The following MAPK10 variants were observed in gnomAD, a reference collection of about 807,000 sequenced individuals.
MAPK10 encodes JNK3 alpha protein kinase.
MAPK10 carries 25 observed loss-of-function variants against 59.3 expected under a neutral mutation model. That is an observed-to-expected ratio of 0.42 (90% CI 0.31 to 0.59). The LOEUF (loss-of-function observed/expected upper bound fraction) is 0.59. Ranked by LOEUF, MAPK10 falls within the 20% of genes least tolerant of loss-of-function variation. The pLI is 0.15. For synonymous variants in MAPK10, 190 were observed against 200.5 expected, an observed-to-expected ratio of 0.95 and a Z score of 0.44; for missense variants, 351 against 568.9, an observed-to-expected ratio of 0.62 and a Z score of 3.90.
At chr4:86,419,952 G>A (rs925417327) in intron 1 of MAPK10, among the ~76,000 whole-genome samples, 4 of 152,132 alleles carry the variant, frequency 2.6e-5, no homozygotes, top group African/African-American at 9.7e-5. Flanking sequence ...CTAACATTTT[G>A]TTCTCAAAAT....
chr4:86,545,958 A>T (rs1270836523), intron 1 of MAPK10, among the ~76,000 whole-genome samples: 1 of 152,232 alleles, frequency 6.6e-6, no homozygotes, highest in East Asian at 1.9e-4. Flanking sequence ...CCTTGTTCAA[A>T]AATTACTAAG....
rs927190835 is a variant in MAPK10, at chr4:86,082,920, T to C, written c.803-14965A>G. Among the ~76,000 whole-genome samples the C allele has an allele frequency of 3.3e-5, 5 of 152,262 alleles. No individual in the cohort carries two copies. In the South Asian group the frequency reaches 1.0e-3, roughly 32 times the overall value. ...TGGCAGTGCTAAGGGGTGCAGTCCA[T>C]CTAGCCATGCTGTCAGGCAAAATAC... On this transcript the variant is annotated intron_variant, in intron 9 of 13. Transcript: ENST00000641462.
intron 9 of MAPK10, among the ~76,000 whole-genome samples, chr4:86,073,884 G>T (rs1242274049): frequency 8.6e-6 from 1 of 116,618 alleles, no homozygotes; most frequent in Admixed American, 8.4e-5. Flanking sequence ...ATTTGGGGTG[G>T]TGAGTTCTGT....
intron 2 of MAPK10, among the ~76,000 whole-genome samples, chr4:86,347,497 T>C (rs1728876951): frequency 6.6e-6 from 1 of 152,156 alleles, no homozygotes; most frequent in Admixed American, 6.5e-5. Flanking sequence ...CATAGCTACA[T>C]GTTCTACCAA....
At chr4:86,334,118 A>G (rs954593679) in intron 2 of MAPK10, among the ~76,000 whole-genome samples, 1 of 152,166 alleles carries the variant, frequency 6.6e-6, no homozygotes, top group Non-Finnish European at 1.5e-5. Context: ...AGATGAATTC[A>G]ACTTCTTCCT....
chr4:86,292,537 C>T (rs2095256331), intron 2 of MAPK10, among the ~76,000 whole-genome samples: 1 of 152,054 alleles, frequency 6.6e-6, no homozygotes, highest in Non-Finnish European at 1.5e-5. Context: ...GGCAACATAG[C>T]AAGACCCTGT....
intron 4 of MAPK10, among the ~76,000 whole-genome samples, chr4:86,139,653 C>CAACAAAAGACA (rs2063149587): frequency 6.6e-6 from 1 of 152,120 alleles, no homozygotes; most frequent in Admixed American, 6.5e-5. Flanking sequence ...ACATCAAAAG[C>CAACAAAAGACA]AATGGCAACA....
chr4:86,172,673 A>T (rs1219728330), intron 3 of MAPK10, among the ~76,000 whole-genome samples: 2 of 151,800 alleles, frequency 1.3e-5, no homozygotes, highest in African/African-American at 4.8e-5. Context: ...GTGTATACAT[A>T]TGTAACTAAC....
intron 2 of MAPK10, among the ~76,000 whole-genome samples, chr4:86,336,784 CTTT>C (rs70948788): frequency 0.015 from 1,266 of 83,036 alleles, 2 homozygotes; most frequent in African/African-American, 0.02. Context: ...GGAATGACTC[CTTT>C]TTTTTTTTTT....
intron 1 of MAPK10, among the ~76,000 whole-genome samples, chr4:86,529,319 T>G (rs1757697116): frequency 6.6e-6 from 1 of 152,126 alleles, no homozygotes; most frequent in South Asian, 2.1e-4. Flanking sequence ...CATTTGTGGT[T>G]TCCAATCTCA....
chr4:86,317,548 T>C (rs1233118895), intron 2 of MAPK10, among the ~76,000 whole-genome samples: 1 of 152,244 alleles, frequency 6.6e-6, no homozygotes, highest in Admixed American at 6.5e-5. Flanking sequence ...CCAAATCTAC[T>C]ATAAATTCCT....
At chr4:86,371,599 C>T (rs537884913) in intron 1 of MAPK10, among the ~76,000 whole-genome samples, 22 of 152,140 alleles carry the variant, frequency 1.4e-4, no homozygotes, top group East Asian at 9.7e-4. Context: ...GCAAGATGGC[C>T]GAATAGGAAC....
At chr4:86,159,157 A>ATT in intron 4 of MAPK10, 141 bp downstream of exon 4, 3 of 549,570 alleles carry the variant, frequency 5.5e-6, no homozygotes, top group Non-Finnish European at 9.0e-6. Context: ...TCATAATGTT[A>ATT]TTTTTTTTTC....
chr4:86,140,545 AG>A (rs1316095320), intron 4 of MAPK10, among the ~76,000 whole-genome samples: 2 of 62,724 alleles, frequency 3.2e-5, no homozygotes, highest in African/African-American at 1.4e-4. Context: ...GGGTGGGGGG[AG>A]GGGGGAGGGA....
intron 9 of MAPK10, among the ~76,000 whole-genome samples, chr4:86,086,469 T>A (rs2051881884): frequency 2.0e-5 from 3 of 152,172 alleles, no homozygotes. Flanking sequence ...TTCCATGATG[T>A]GATTATTATG....
At chr4:86,372,576 A>AGG (rs1455719737) in intron 1 of MAPK10, among the ~76,000 whole-genome samples, 1 of 141,944 alleles carries the variant, frequency 7.0e-6, no homozygotes, top group African/African-American at 2.7e-5. Context: ...AAGAAAAGAA[A>AGG]AGAAAAGAAA....
At chr4:86,471,665 T>C (rs935621470) in intron 1 of MAPK10, among the ~76,000 whole-genome samples, 1 of 152,216 alleles carries the variant, frequency 6.6e-6, no homozygotes, top group African/African-American at 2.4e-5. Context: ...TCAAATGAAG[T>C]ACATTTGCAA....
intron 1 of MAPK10, among the ~76,000 whole-genome samples, chr4:86,503,289 T>G (rs1755467945): frequency 6.6e-6 from 1 of 152,146 alleles, no homozygotes; most frequent in South Asian, 2.1e-4. Context: ...GTTCAGACTC[T>G]GAAATGTCAG....
chr4:86,557,245 T>G (rs1454367021), intron 1 of MAPK10, among the ~76,000 whole-genome samples: 2 of 152,102 alleles, frequency 1.3e-5, no homozygotes, highest in Non-Finnish European at 2.9e-5. Context: ...TATTACTTCC[T>G]GTTTTCCAGT....
Sources: gnomAD v4.1 joint callset for allele counts (sites outside exome capture counted in the v4.1 genomes callset) on GRCh38, gnomAD v4.1.1 for gene constraint, MANE v1.5 for transcripts, NCBI Gene and HGNC (gene_info 2026-07-23, HGNC 2026-07-21) for gene names.